The following SFI1 variants were observed in gnomAD, a reference collection of about 807,000 sequenced individuals.
SFI1 encodes the protein protein SFI1 homolog.
In SFI1, 195 loss-of-function variants were observed where a neutral mutation model predicts 207.5. The observed-to-expected ratio is 0.94, with a 90% CI of 0.84 to 1.06. The LOEUF is 1.06. Among genes scored for constraint, SFI1 ranks in the 50% least tolerant of loss-of-function variants. The probability of loss-of-function intolerance (pLI) is 0.00; values close to 1 mark genes in which losing one functional copy is unlikely to be tolerated. For missense variants in SFI1, 1,634 were observed against 1,588.0 expected (o/e 1.03, Z -0.49); for synonymous variants, 630 against 598.9 (o/e 1.05, Z -0.76).
At chr22:31,521,998 C>T (rs1014696465) in intron 2 of SFI1, among the ~76,000 whole-genome samples, 21 of 148,968 alleles carry the variant, frequency 1.4e-4, no homozygotes, top group African/African-American at 3.0e-4. Flanking sequence ...CTCCTGGCCT[C>T]GAGGGATCCA....
At chr22:31,497,825 A>G (rs1218336743) in intron 1 of SFI1, among the ~76,000 whole-genome samples, 1 of 152,182 alleles carries the variant, frequency 6.6e-6, no homozygotes, top group Non-Finnish European at 1.5e-5. Flanking sequence ...TACTGTTCAG[A>G]AAAAAGGATT....
intron 12 of SFI1, among the ~76,000 whole-genome samples, chr22:31,581,879 T>C (rs2064221188): frequency 1.3e-5 from 2 of 152,216 alleles, no homozygotes; most frequent in South Asian, 2.1e-4. Context: ...AAGTAAATTA[T>C]AGACATCATG....
intron 15 of SFI1, among the ~76,000 whole-genome samples, chr22:31,600,036 G>A (rs755683036): frequency 2.6e-5 from 4 of 151,732 alleles, no homozygotes; most frequent in Admixed American, 6.6e-5. Context: ...GGTACTTTTT[G>A]TCATACATTT....
intron 9 of SFI1, among the ~76,000 whole-genome samples, chr22:31,574,808 G>A (rs1279397299): frequency 2.6e-5 from 4 of 152,080 alleles, no homozygotes; most frequent in Admixed American, 2.6e-4. Context: ...TGTAATCCCA[G>A]CACTGTGAGA....
At position 31,602,707 on chromosome 22, in the gene SFI1, C is replaced by T; in HGVS notation, c.1727C>T (p.Ala576Val). 1 of 1,614,044 alleles carries T rather than the reference C, an allele frequency of 6.2e-7. No homozygotes were observed. The highest frequency in any genetic ancestry group is 8.5e-7 in the Non-Finnish European group (1 of 1,180,046). The change falls in exon 17 of 33, where the codon GCC becomes GTC. Residue 576 changes from alanine (A) to valine (V), a missense_variant. Transcript: ENST00000400288. The part of the protein sequence containing the change: ...RHQEQEWQTV[A>V]CAHHRHGRLK... ...CAGGAGCAGGAGTGGCAAACAGTGG[C>T]CTGTGCCCACCACCGCCACGGGCGG...
rs2068639723 is a variant in SFI1, at chr22:31,604,486, C to T, written c.1977+82C>T. ...GACTTTGTTTTCCTTCCTTGTTCTT[C>T]CTGTCCGTCCCAGAACAGAGTCACG... On this transcript the variant is annotated intron_variant, in intron 19 of 32. Transcript: ENST00000400288. 29 of 1,221,912 alleles carry T rather than the reference C, an allele frequency of 2.4e-5. No homozygotes were observed. The South Asian group carries it at 4.6e-4, about 19-fold the overall frequency. The allele number at this position is 1,221,912 out of a possible 1,614,324, so 75.7% of individuals were successfully genotyped here. A position where few individuals can be genotyped will look rare whatever the true frequency, so the allele number is the denominator to read the frequency against.
intron 8 of SFI1, among the ~76,000 whole-genome samples, chr22:31,568,511 G>A (rs1164858406): frequency 1.7e-5 from 2 of 117,342 alleles, no homozygotes. Flanking sequence ...CAGCCTGGGC[G>A]ACAGGGTGAG....
chr22:31,543,569 G>A (rs984217076), intron 4 of SFI1, among the ~76,000 whole-genome samples: 1 of 152,136 alleles, frequency 6.6e-6, no homozygotes, highest in African/African-American at 2.4e-5. Context: ...CAGCACTTTG[G>A]GAGGCTGAGG....
intron 23 of SFI1, 147 bp from the exon 24 acceptor site, chr22:31,611,619 G>A (rs1350199004): frequency 2.5e-6 from 2 of 814,302 alleles, no homozygotes; most frequent in East Asian, 2.7e-5. Context: ...GGCACTCCCT[G>A]CCTATGCAGG....
intron 12 of SFI1, among the ~76,000 whole-genome samples, chr22:31,582,626 T>C (rs2064484651): frequency 6.6e-6 from 1 of 152,162 alleles, no homozygotes; most frequent in African/African-American, 2.4e-5. Flanking sequence ...AGTGTACAGT[T>C]CAGTGACATG....
At chr22:31,514,102 C>T (rs1191928926) in intron 2 of SFI1, among the ~76,000 whole-genome samples, 1 of 145,650 alleles carries the variant, frequency 6.9e-6, no homozygotes, top group Non-Finnish European at 1.5e-5. Flanking sequence ...GATTGTGCCA[C>T]TGCACTCCAG....
intron 6 of SFI1, among the ~76,000 whole-genome samples, chr22:31,551,963 T>A (rs1337070285): frequency 6.6e-6 from 1 of 152,180 alleles, no homozygotes; most frequent in Non-Finnish European, 1.5e-5. Context: ...GATTTGACTG[T>A]CCACTACCCA....
In SFI1 at chr22:31,611,320, CA is replaced by C; in HGVS notation, c.2415+19del. 1.3e-6 allele frequency: 2 copies of C among 1,573,596 alleles called. No homozygotes were observed. Among genetic ancestry groups the C allele is most frequent in the Non-Finnish European group, 1.7e-6 (2 of 1,157,076 alleles). On this transcript the variant is annotated intron_variant, in intron 23 of 32. Coordinates refer to ENST00000400288, the MANE Select transcript of SFI1 (RefSeq NM_001007467.3). ...AGGAAGAGGGTGAGGCTGACGGTGG[CA>C]ACTCTCCAAGTTCTGCCTGCCTGGC...
chr22:31,504,547 T>C (rs1406160210), intron 1 of SFI1, among the ~76,000 whole-genome samples: 1 of 152,202 alleles, frequency 6.6e-6, no homozygotes, highest in African/African-American at 2.4e-5. Flanking sequence ...ACTTAAATCT[T>C]ACTCTTCTGT....
At chr22:31,550,601 G>A in intron 6 of SFI1, 1 of 377,660 alleles carries the variant, frequency 2.6e-6, no homozygotes, top group Non-Finnish European at 4.9e-6. Flanking sequence ...TGAACTGGCT[G>A]TTCCTGGCCT....
intron 15 of SFI1, among the ~76,000 whole-genome samples, chr22:31,601,198 A>G (rs964371977): frequency 7.5e-5 from 10 of 132,808 alleles, no homozygotes; most frequent in Admixed American, 1.9e-4. Flanking sequence ...ATCTCGGCTC[A>G]CTGCAAGCTC....
chr22:31,585,012 C>A, intron 13 of SFI1, 56 bp from the exon 14 acceptor site: 1 of 1,539,758 alleles, frequency 6.5e-7, no homozygotes, highest in South Asian at 1.1e-5. Context: ...ATTTACCTGC[C>A]TTAAAACAAA....
Position 31,520,986 on chromosome 22 carries a change from G to C in SFI1, c.93-7704G>C, listed in dbSNP as rs927227014. Among the ~76,000 whole-genome samples, 19 of 129,844 alleles carry C rather than the reference G, an allele frequency of 1.5e-4. No individual in the cohort carries two copies. In the East Asian group the frequency reaches 4.4e-3, roughly 30 times the overall value. The allele number at this position is 129,844 out of a possible 152,430, so 85.2% of individuals were successfully genotyped here. A position where few individuals can be genotyped will look rare whatever the true frequency, so the allele number is the denominator to read the frequency against. On this transcript the variant is annotated intron_variant, in intron 2 of 32. Coordinates refer to ENST00000400288, the MANE Select transcript of SFI1 (RefSeq NM_001007467.3). ...CCACTGCATTCCAGCCTGGGCAACA[G>C]AGCCAGACCCTGTCTCAAAAAAAAA...
intron 14 of SFI1, among the ~76,000 whole-genome samples, chr22:31,587,152 AC>A (rs1436127899): frequency 6.6e-6 from 1 of 152,184 alleles, no homozygotes; most frequent in Non-Finnish European, 1.5e-5. Context: ...ACATATTCAG[AC>A]CTTTTTTTCT....
Sources: gnomAD v4.1 joint callset for allele counts (sites outside exome capture counted in the v4.1 genomes callset) on GRCh38, gnomAD v4.1.1 for gene constraint, MANE v1.5 for transcripts, NCBI Gene and HGNC (gene_info 2026-07-23, HGNC 2026-07-21) for gene names.